Variants in MOSMO observed in about 807,000 individuals in gnomAD.
MOSMO encodes the protein modulator of smoothened protein.
A neutral mutation model predicts 18.4 loss-of-function variants in MOSMO; 5 were observed. The ratio of observed to expected loss-of-function variants is 0.27; its 90% CI spans 0.14 to 0.57. The LOEUF (loss-of-function observed/expected upper bound fraction) is 0.57. MOSMO is among the 20% of genes least tolerant of loss of function. The pLI, the probability that MOSMO is intolerant of heterozygous loss-of-function variation, is 0.92. For missense variants in MOSMO, 138 were observed against 211.8 expected (o/e 0.65, Z 2.16); for synonymous variants, 82 against 82.3 (o/e 1.00, Z 0.02).
chr16:22,027,330 T>C (rs1304794350), intron 1 of MOSMO, among the ~76,000 whole-genome samples: 2 of 152,248 alleles, frequency 1.3e-5, no homozygotes, highest in African/African-American at 4.8e-5. Context: ...GTTTTAACTC[T>C]CTGGACAAAC....
At chr16:22,078,046 A>G (rs1311080879) in intron 2 of MOSMO, among the ~76,000 whole-genome samples, 2 of 152,132 alleles carry the variant, frequency 1.3e-5, no homozygotes, top group Non-Finnish European at 2.9e-5. Flanking sequence ...GTCTCAGAGA[A>G]GAGCCCCCAC....
chr16:22,056,580 C>T (rs1900542497), intron 1 of MOSMO, among the ~76,000 whole-genome samples: 1 of 151,354 alleles, frequency 6.6e-6, no homozygotes, highest in Non-Finnish European at 1.5e-5. Context: ...GACGGGGTTT[C>T]TCCATGTTGG....
At chr16:22,008,456 G>A in intron 1 of MOSMO, 49 bp downstream of exon 1, 1 of 1,334,528 alleles carries the variant, frequency 7.5e-7, no homozygotes, top group Non-Finnish European at 1.0e-6. Context: ...TGAGGGCGAC[G>A]CGAGAGAGGG....
At chr16:22,059,798 G>A (rs12921568) in intron 1 of MOSMO, among the ~76,000 whole-genome samples, 12,778 of 152,212 alleles carry the variant, frequency 0.084, 747 homozygotes, top group South Asian at 0.25. Context: ...AATTCAAGAT[G>A]AGATTTTGGG....
At chr16:22,020,395 A>G (rs1899734465) in intron 1 of MOSMO, among the ~76,000 whole-genome samples, 1 of 149,384 alleles carries the variant, frequency 6.7e-6, no homozygotes, top group Non-Finnish European at 1.5e-5. Context: ...CCCGGGTTCA[A>G]GTGATTCTCC....
downstream of MOSMO, chr16:22,092,468 C>A: frequency 1.4e-6 from 1 of 710,690 alleles, no homozygotes; most frequent in Non-Finnish European, 2.2e-6. Flanking sequence ...CTTTCCCTGC[C>A]CCGAGCTGCA....
At chr16:22,027,859 G>A (rs1252287702) in intron 1 of MOSMO, among the ~76,000 whole-genome samples, 1 of 152,166 alleles carries the variant, frequency 6.6e-6, no homozygotes. Context: ...CAGTATGAAA[G>A]TATCTGTATT....
chr16:22,011,025 G>T (rs1899516287), intron 1 of MOSMO, among the ~76,000 whole-genome samples: 1 of 152,138 alleles, frequency 6.6e-6, no homozygotes, highest in African/African-American at 2.4e-5. Context: ...GGCAAAATTG[G>T]CTGTGAGTTG....
At chr16:22,089,754 G>A (rs1276350620), downstream of MOSMO, among the ~76,000 whole-genome samples, 1 of 151,950 alleles carries the variant, frequency 6.6e-6, no homozygotes, top group Non-Finnish European at 1.5e-5. Context: ...ACTTTGGTGA[G>A]CTAGGAACTC....
At chr16:22,019,325 A>G (rs1899705617) in intron 1 of MOSMO, among the ~76,000 whole-genome samples, 1 of 152,028 alleles carries the variant, frequency 6.6e-6, no homozygotes, top group Admixed American at 6.6e-5. Flanking sequence ...CTCATCTGTA[A>G]TTCTTTGGTC....
intron 1 of MOSMO, among the ~76,000 whole-genome samples, chr16:22,045,790 T>C (rs1438879830): frequency 1.3e-5 from 2 of 152,140 alleles, no homozygotes; most frequent in Admixed American, 1.3e-4. Flanking sequence ...CAGTAGTAAC[T>C]CATTTTGATT....
chr16:22,066,485 C>T (rs956644743), intron 1 of MOSMO, among the ~76,000 whole-genome samples: 1 of 152,166 alleles, frequency 6.6e-6, no homozygotes, highest in Non-Finnish European at 1.5e-5. Flanking sequence ...AGGCCCTACT[C>T]TCTCACCTCT....
At chr16:22,050,517 T>C (rs1331289085) in intron 1 of MOSMO, among the ~76,000 whole-genome samples, 3 of 152,034 alleles carry the variant, frequency 2.0e-5, no homozygotes, top group Non-Finnish European at 4.4e-5. Flanking sequence ...TGACTTCTAG[T>C]GAGTAAAGGC....
chr16:22,039,179 AGT>A (rs1900164894), intron 1 of MOSMO, among the ~76,000 whole-genome samples: 1 of 152,184 alleles, frequency 6.6e-6, no homozygotes, highest in Non-Finnish European at 1.5e-5. Flanking sequence ...ATCTGTTCTC[AGT>A]GATGGGAATT....
chr16:22,031,980 A>G (rs1900002994), intron 1 of MOSMO, among the ~76,000 whole-genome samples: 1 of 152,158 alleles, frequency 6.6e-6, no homozygotes, highest in Admixed American at 6.5e-5. Context: ...TTACCAGTAT[A>G]GGAGGGTTCC....
rs756742382 is a variant in MOSMO at position 22,075,491 on chromosome 16, A to G, written c.111A>G (p.Ala37=). 5.2e-6 allele frequency: 8 copies of G among 1,536,914 alleles called. No individual in the cohort carries two copies. The African/African-American group carries it at 8.2e-5, about 16-fold the overall frequency. ...DWINTGESAG[A]LTVGLVRQCQ... ...CCACCATTTGCATCTCCCCAGGAGC[A>G]CTCACTGTGGGCCTCGTGCGACAGT... Residue 37 remains alanine, a synonymous_variant, in exon 2 of 3, where the codon GCA becomes GCG. Transcript: ENST00000542527.
At chr16:22,031,155 G>T (rs1299257163) in intron 1 of MOSMO, among the ~76,000 whole-genome samples, 2 of 152,156 alleles carry the variant, frequency 1.3e-5, no homozygotes, top group African/African-American at 2.4e-5. Context: ...ATAGGATTTG[G>T]CTAGAGAAGG....
At chr16:22,047,130 A>G (rs1469986008) in intron 1 of MOSMO, among the ~76,000 whole-genome samples, 1 of 134,620 alleles carries the variant, frequency 7.4e-6, no homozygotes, top group Non-Finnish European at 1.5e-5. Context: ...GGATCTCATG[A>G]TATATACTAT....
downstream of MOSMO, chr16:22,084,714 C>T (rs1901140046): frequency 3.3e-5 from 5 of 152,128 alleles, no homozygotes; most frequent in Admixed American, 3.3e-4. Context: ...GGAGGTTTCA[C>T]ATATTCACAA....
Sources: gnomAD v4.1 joint callset for allele counts (sites outside exome capture counted in the v4.1 genomes callset) on GRCh38, gnomAD v4.1.1 for gene constraint, MANE v1.5 for transcripts, NCBI Gene and HGNC (gene_info 2026-07-23, HGNC 2026-07-21) for gene names.